Variants in SEMA5A observed in about 807,000 individuals in gnomAD.
SEMA5A encodes semaphorin 5A, also known as semaphorin-5A.
SEMA5A carries 55 observed loss-of-function variants against 135.5 expected under a neutral mutation model. That is an observed-to-expected ratio of 0.41 (90% CI 0.33 to 0.51). The LOEUF is 0.51. SEMA5A is among the 20% of genes least tolerant of loss of function. The pLI, the probability that SEMA5A is intolerant of heterozygous loss-of-function variation, is 0.37. For synonymous variants in SEMA5A, 580 were observed against 546.5 expected, an observed-to-expected ratio of 1.06 and a Z score of -0.85; for missense variants, 1,290 against 1,419.9, an observed-to-expected ratio of 0.91 and a Z score of 1.47.
chr5:9,231,345 C>G (rs954423636), intron 6 of SEMA5A, among the ~76,000 whole-genome samples: 14 of 151,532 alleles, frequency 9.2e-5, no homozygotes, highest in African/African-American at 3.4e-4. Context: ...ATGCCTGTAA[C>G]CCCAGCTACT....
intron 11 of SEMA5A, among the ~76,000 whole-genome samples, chr5:9,155,410 G>A (rs1312860022): frequency 6.6e-6 from 1 of 152,140 alleles, no homozygotes; most frequent in East Asian, 1.9e-4. Flanking sequence ...GCTGGAGGGT[G>A]AGCGGCCCCT....
chr5:9,427,494 T>C (rs1045962066), intron 2 of SEMA5A, among the ~76,000 whole-genome samples: 49 of 152,056 alleles, frequency 3.2e-4, no homozygotes, highest in African/African-American at 1.1e-3. Flanking sequence ...TCTGATGAGG[T>C]TTCAGCCTGA....
intron 7 of SEMA5A, among the ~76,000 whole-genome samples, chr5:9,225,568 C>CAA (rs3034595): frequency 0.18 from 19,896 of 112,040 alleles, 1,723 homozygotes; most frequent in East Asian, 0.32. Flanking sequence ...GACTCTGTCT[C>CAA]AAAAAAAAAA....
At chr5:9,319,144 C>T (rs1752518560) in intron 4 of SEMA5A, among the ~76,000 whole-genome samples, 1 of 152,152 alleles carries the variant, frequency 6.6e-6, no homozygotes, top group African/African-American at 2.4e-5. Flanking sequence ...GTGGAGGTTG[C>T]AGTAAGCTGT....
At chr5:9,045,838 C>T (rs1227568352) in intron 21 of SEMA5A, 1 of 152,202 alleles carries the variant, frequency 6.6e-6, no homozygotes, top group African/African-American at 2.4e-5. Flanking sequence ...AATTTGCCAG[C>T]ATGGACTTAT....
chr5:9,109,700 T>C (rs1740138889), intron 15 of SEMA5A, among the ~76,000 whole-genome samples: 1 of 152,200 alleles, frequency 6.6e-6, no homozygotes, highest in Non-Finnish European at 1.5e-5. Flanking sequence ...GCAGGGCCTA[T>C]GCAACAGGAA....
At chr5:9,479,089 G>A (rs1039457230) in intron 1 of SEMA5A, among the ~76,000 whole-genome samples, 14 of 152,090 alleles carry the variant, frequency 9.2e-5, no homozygotes, top group African/African-American at 1.2e-4. Context: ...CATGTACGAC[G>A]TGCCTCACTT....
At chr5:9,133,909 G>T (rs1055207202) in intron 13 of SEMA5A, among the ~76,000 whole-genome samples, 1 of 151,810 alleles carries the variant, frequency 6.6e-6, no homozygotes, top group African/African-American at 2.4e-5. Flanking sequence ...GTCAAGGGAG[G>T]AACCTAGTGG....
At chr5:9,379,104 G>C (rs990318468) in intron 3 of SEMA5A, among the ~76,000 whole-genome samples, 5 of 152,024 alleles carry the variant, frequency 3.3e-5, no homozygotes, top group Admixed American at 2.0e-4. Flanking sequence ...TATTTCCATA[G>C]ATATTTGAAA....
chr5:9,280,356 G>A (rs189125690), intron 5 of SEMA5A, among the ~76,000 whole-genome samples: 1 of 152,320 alleles, frequency 6.6e-6, no homozygotes, highest in East Asian at 1.9e-4. Context: ...AAAGATGAAA[G>A]TGGGAAAGGT....
chr5:9,509,796 T>C (rs1459893718), intron 1 of SEMA5A, among the ~76,000 whole-genome samples: 1 of 152,224 alleles, frequency 6.6e-6, no homozygotes, highest in Non-Finnish European at 1.5e-5. Flanking sequence ...CACTCATTCA[T>C]TAATTCAAGA....
chr5:9,259,357 G>A (rs2150510794), intron 5 of SEMA5A, among the ~76,000 whole-genome samples: 1 of 152,208 alleles, frequency 6.6e-6, no homozygotes, highest in South Asian at 2.1e-4. Flanking sequence ...ATGTAGTTGA[G>A]TGGCTTTGAG....
At chr5:9,536,371 G>A (rs913119132) in intron 1 of SEMA5A, among the ~76,000 whole-genome samples, 4 of 152,162 alleles carry the variant, frequency 2.6e-5, no homozygotes, top group East Asian at 1.9e-4. Context: ...CCAGCATTTC[G>A]GGAGGCCAAG....
At chr5:9,426,663 G>T (rs912595895) in intron 2 of SEMA5A, among the ~76,000 whole-genome samples, 5 of 152,024 alleles carry the variant, frequency 3.3e-5, no homozygotes, top group Non-Finnish European at 7.4e-5. Context: ...GACAAGAAAA[G>T]CTACTTCAAA....
chr5:9,166,027 G>A (rs1033555043), intron 11 of SEMA5A, among the ~76,000 whole-genome samples: 2 of 152,138 alleles, frequency 1.3e-5, no homozygotes, highest in Admixed American at 1.3e-4. Flanking sequence ...AATTCACTCA[G>A]TTACCAGATT....
intron 5 of SEMA5A, among the ~76,000 whole-genome samples, chr5:9,277,649 G>A (rs1750329581): frequency 6.6e-6 from 1 of 152,152 alleles, no homozygotes; most frequent in Admixed American, 6.5e-5. Context: ...AAAAGGATGA[G>A]TTCCTGTCCT....
chr5:9,159,506 A>G (rs1743132861), intron 11 of SEMA5A, among the ~76,000 whole-genome samples: 1 of 151,870 alleles, frequency 6.6e-6, no homozygotes, highest in Non-Finnish European at 1.5e-5. Flanking sequence ...CCAAAATGAG[A>G]TACCATCTCA....
chr5:9,540,048 T>A (rs965509223), intron 1 of SEMA5A, among the ~76,000 whole-genome samples: 15 of 152,196 alleles, frequency 9.9e-5, no homozygotes, highest in African/African-American at 2.7e-4. Flanking sequence ...AAGTCTTGCT[T>A]AAGCCTTAGT....
At chr5:9,384,745 T>C (rs958945686) in intron 2 of SEMA5A, among the ~76,000 whole-genome samples, 1 of 148,802 alleles carries the variant, frequency 6.7e-6, no homozygotes, top group Admixed American at 6.7e-5. Flanking sequence ...GACAGACAGA[T>C]GCATACATAC....
Sources: gnomAD v4.1 joint callset for allele counts (sites outside exome capture counted in the v4.1 genomes callset) on GRCh38, gnomAD v4.1.1 for gene constraint, MANE v1.5 for transcripts, NCBI Gene and HGNC (gene_info 2026-07-23, HGNC 2026-07-21) for gene names.